Variants in SMOC1 observed in about 807,000 individuals in gnomAD.
SMOC1 encodes SPARC related modular calcium binding 1, also known as SPARC-related modular calcium-binding protein 1.
Under a neutral mutation model 56.3 loss-of-function variants are expected in SMOC1, and 22 were observed. That is an observed-to-expected ratio of 0.39 (90% CI 0.28 to 0.56). SMOC1 has a LOEUF of 0.56. Ranked by LOEUF, SMOC1 falls within the 20% of genes least tolerant of loss-of-function variation. The probability of loss-of-function intolerance (pLI) is 0.61; values close to 1 mark genes in which losing one functional copy is unlikely to be tolerated. For missense variants in SMOC1, 509 were observed against 565.4 expected (o/e 0.90, Z 1.01); for synonymous variants, 193 against 215.0 (o/e 0.90, Z 0.89).
rs201548102 is a variant in SMOC1 at position 70,011,525 on chromosome 14, A to G, written c.898A>G (p.Thr300Ala). ...TTGTGAGAGCGACGCCAGGGCCAAG[A>G]CTACAGAGGCGGATGACCCCTTCAA... ...PSCESDARAK[T>A]TEADDPFKDR... is the part of the protein sequence containing the mutation. The change falls in exon 9 of 12, where the codon ACT (threonine) becomes GCT (alanine). Residue 300 changes from threonine (T) to alanine (A), a missense_variant. By Grantham distance (58) the Thr-to-Ala change is moderately conservative. Transcript: ENST00000361956. 23 of 1,610,338 alleles carry G rather than the reference A, an allele frequency of 1.4e-5. No individual in the cohort carries two copies. Among genetic ancestry groups the G allele is most frequent in the Admixed American group, 8.3e-5 (5 of 59,904 alleles).
intron 1 of SMOC1, among the ~76,000 whole-genome samples, chr14:69,896,761 A>C (rs978342672): frequency 1.3e-5 from 2 of 152,158 alleles, no homozygotes; most frequent in Non-Finnish European, 2.9e-5. Flanking sequence ...GTTCCTTGGC[A>C]TGGTCTTCCT....
intron 1 of SMOC1, among the ~76,000 whole-genome samples, chr14:69,936,621 A>G (rs956168824): frequency 3.3e-5 from 5 of 152,186 alleles, no homozygotes; most frequent in Admixed American, 2.0e-4. Context: ...CCAGCGTTGG[A>G]TGCTTTTGAG....
chr14:69,894,455 T>C (rs995090527), intron 1 of SMOC1, among the ~76,000 whole-genome samples: 3 of 152,214 alleles, frequency 2.0e-5, no homozygotes, highest in African/African-American at 7.2e-5. Context: ...CCAGGTTTCT[T>C]AGACCAATCA....
intron 5 of SMOC1, among the ~76,000 whole-genome samples, chr14:69,988,927 TCA>T (rs557043850): frequency 1.3e-5 from 2 of 152,234 alleles, no homozygotes; most frequent in Non-Finnish European, 2.9e-5. Flanking sequence ...TATGGATATA[TCA>T]CAATTTATTC....
chr14:69,931,391 G>A (rs982133710), intron 1 of SMOC1, among the ~76,000 whole-genome samples: 25 of 152,196 alleles, frequency 1.6e-4, no homozygotes, highest in African/African-American at 5.3e-4. Flanking sequence ...ACTCGCTGTC[G>A]TCCTCTGGAC....
At chr14:69,906,084 G>A (rs1462294777) in intron 1 of SMOC1, among the ~76,000 whole-genome samples, 2 of 152,170 alleles carry the variant, frequency 1.3e-5, no homozygotes, top group Admixed American at 6.5e-5. Flanking sequence ...AATCATGGAA[G>A]AGGATTGTAG....
intron 1 of SMOC1, among the ~76,000 whole-genome samples, chr14:69,930,945 T>G (rs1314849235): frequency 6.6e-6 from 1 of 152,220 alleles, no homozygotes; most frequent in Non-Finnish European, 1.5e-5. Context: ...TAGCCCGGGC[T>G]GCTGTCAACA....
At chr14:69,982,750 A>G (rs1884226103) in intron 5 of SMOC1, among the ~76,000 whole-genome samples, 1 of 152,168 alleles carries the variant, frequency 6.6e-6, no homozygotes, top group South Asian at 2.1e-4. Context: ...GGGAGGCTGA[A>G]TCTGTAGCTG....
At chr14:69,930,518 GAAC>G (rs1181188760) in intron 1 of SMOC1, among the ~76,000 whole-genome samples, 1 of 152,200 alleles carries the variant, frequency 6.6e-6, no homozygotes, top group East Asian at 1.9e-4. Context: ...GGGTGCAGAG[GAAC>G]AACACCGAGT....
chr14:69,942,061 T>C (rs895039003), intron 1 of SMOC1, among the ~76,000 whole-genome samples: 1 of 152,216 alleles, frequency 6.6e-6, no homozygotes, highest in Non-Finnish European at 1.5e-5. Flanking sequence ...TTTTCCTTTC[T>C]ACGAGTTTGC....
intron 1 of SMOC1, among the ~76,000 whole-genome samples, chr14:69,920,553 A>T (rs1254626486): frequency 6.6e-6 from 1 of 152,190 alleles, no homozygotes; most frequent in African/African-American, 2.4e-5. Context: ...CAATGCAAAC[A>T]TTCCTTCAGC....
intron 1 of SMOC1, among the ~76,000 whole-genome samples, chr14:69,906,793 A>G (rs1279343793): frequency 6.6e-6 from 1 of 152,190 alleles, no homozygotes; most frequent in Admixed American, 6.5e-5. Flanking sequence ...TTCAATAGGA[A>G]CATCTTCAGT....
At chr14:69,879,884 T>A (rs1857292751) in intron 1 of SMOC1, 107 bp downstream of exon 1, 1 of 1,030,934 alleles carries the variant, frequency 9.7e-7, no homozygotes, top group African/African-American at 1.7e-5. Flanking sequence ...AGAGACCTGT[T>A]GTCCTCTGTC....
intron 3 of SMOC1, among the ~76,000 whole-genome samples, chr14:69,972,179 G>A (rs1883784705): frequency 6.6e-6 from 1 of 152,200 alleles, no homozygotes; most frequent in Non-Finnish European, 1.5e-5. Flanking sequence ...AAGGAGTTAA[G>A]TGGCGGAGCT....
intron 1 of SMOC1, among the ~76,000 whole-genome samples, chr14:69,896,888 A>T (rs947842518): frequency 1.3e-5 from 2 of 152,142 alleles, no homozygotes; most frequent in African/African-American, 4.8e-5. Context: ...TGACTTCAGC[A>T]TCTAAAGGAA....
At chr14:69,888,242 A>G (rs927361236) in intron 1 of SMOC1, among the ~76,000 whole-genome samples, 1 of 152,212 alleles carries the variant, frequency 6.6e-6, no homozygotes, top group Non-Finnish European at 1.5e-5. Flanking sequence ...TTGGATTGCC[A>G]TGAATCACTT....
chr14:69,987,993 T>G (rs551046928), intron 5 of SMOC1, among the ~76,000 whole-genome samples: 1 of 152,224 alleles, frequency 6.6e-6, no homozygotes, highest in Non-Finnish European at 1.5e-5. Context: ...CCAGGCAGTT[T>G]CCAAAGCTGC....
chr14:69,949,799 GT>G (rs1371837736), intron 1 of SMOC1, among the ~76,000 whole-genome samples: 1 of 152,184 alleles, frequency 6.6e-6, no homozygotes, highest in East Asian at 1.9e-4. Context: ...GGGCCCCCGG[GT>G]CTGATTCTCA....
rs553852452 is a variant in SMOC1, at chr14:69,968,389, A to G, written c.379-7326A>G. Among the ~76,000 whole-genome samples the G allele has an allele frequency of 3.9e-5, 6 of 152,208 alleles. No individual in the cohort carries two copies. In the South Asian group the frequency reaches 8.3e-4, roughly 21 times the overall value. ...GACTCTCATCCATACCCAATAAACA[A>G]TCTTCTCCCTCAGATTCTGATGGAG... On this transcript the variant is annotated intron_variant, in intron 3 of 11. Coordinates refer to ENST00000361956, the MANE Select transcript of SMOC1 (RefSeq NM_001034852.3).
Sources: gnomAD v4.1 joint callset for allele counts (sites outside exome capture counted in the v4.1 genomes callset) on GRCh38, gnomAD v4.1.1 for gene constraint, MANE v1.5 for transcripts, NCBI Gene and HGNC (gene_info 2026-07-23, HGNC 2026-07-21) for gene names.